ADAMTS17: variants seen among roughly 807,000 people sequenced by gnomAD.
The protein encoded by ADAMTS17 is A disintegrin and metalloproteinase with thrombospondin motifs 17.
A neutral mutation model predicts 141.5 loss-of-function variants in ADAMTS17; 113 were observed. The observed-to-expected ratio is 0.80, with a 90% CI of 0.69 to 0.93. The LOEUF (loss-of-function observed/expected upper bound fraction) is 0.93, where lower values mean the gene tolerates loss of function less well. ADAMTS17 is among the 40% of genes least tolerant of loss of function. The probability of loss-of-function intolerance (pLI) is 0.00; values close to 1 mark genes in which losing one functional copy is unlikely to be tolerated. For missense variants in ADAMTS17, 1,659 were observed against 1,517.9 expected (o/e 1.09, Z -1.54); for synonymous variants, 768 against 630.6 (o/e 1.22, Z -3.27).
chr15:99,974,448 C>G lies in ADAMTS17; in HGVS notation c.3242G>C (p.Arg1081Thr), dbSNP rs779509724. The G allele has an allele frequency of 6.2e-7, 1 of 1,614,106 alleles. No homozygotes were observed. The highest frequency in any genetic ancestry group is 8.5e-7 in the Non-Finnish European group (1 of 1,180,054). Reference protein sequence around the residue: ...RWYQRCCQTCRDFYANKMRQP... With the variant: ...RWYQRCCQTCTDFYANKMRQP... The stretch of plus-strand genomic sequence containing the variant: ...GCGCATCTTGTTTGCATAGAAGTCC[C>G]TGCAGGTCTGGCAGCAGCGCTGGTA... The change falls in exon 22 of 22, where the codon AGG becomes ACG. Residue 1081 changes from arginine (R) to threonine (T), a missense_variant. Physicochemically the swap from Arg to Thr is moderately conservative, Grantham distance 71. Transcript: ENST00000268070.
chr15:100,197,513 T>G (rs1187130157), intron 8 of ADAMTS17, among the ~76,000 whole-genome samples: 3 of 152,164 alleles, frequency 2.0e-5, no homozygotes, highest in African/African-American at 7.2e-5. Flanking sequence ...TTTTAAGAAC[T>G]CAGAGGTATT....
intron 7 of ADAMTS17, among the ~76,000 whole-genome samples, chr15:100,200,932 C>T (rs183742256): frequency 5.3e-5 from 8 of 152,368 alleles, no homozygotes; most frequent in African/African-American, 1.9e-4. Flanking sequence ...CTCTGTCGAG[C>T]TGCACATTGC....
intron 12 of ADAMTS17, 116 bp from the exon 13 acceptor site, chr15:100,117,129 A>G: frequency 8.2e-7 from 1 of 1,220,762 alleles, no homozygotes; most frequent in Non-Finnish European, 1.2e-6. Context: ...AGGTTTCCAA[A>G]GCCACCCCCT....
At chr15:100,313,648 A>G (rs2045471990) in intron 3 of ADAMTS17, among the ~76,000 whole-genome samples, 1 of 152,258 alleles carries the variant, frequency 6.6e-6, no homozygotes, top group Non-Finnish European at 1.5e-5. Flanking sequence ...GGACAGACAT[A>G]CAGCATGTGC....
chr15:100,197,193 G>A (rs1036021650), intron 8 of ADAMTS17, among the ~76,000 whole-genome samples: 2 of 152,224 alleles, frequency 1.3e-5, no homozygotes, highest in Non-Finnish European at 2.9e-5. Context: ...AGACCTCCAT[G>A]CGGCATGTGT....
At chr15:100,110,183 T>G (rs948170736) in intron 13 of ADAMTS17, among the ~76,000 whole-genome samples, 1 of 142,690 alleles carries the variant, frequency 7.0e-6, no homozygotes. Flanking sequence ...ATATATATAT[T>G]TATATACTGA....
At chr15:100,334,346 A>G (rs1003470651) in intron 2 of ADAMTS17, among the ~76,000 whole-genome samples, 1 of 152,206 alleles carries the variant, frequency 6.6e-6, no homozygotes, top group East Asian at 1.9e-4. Flanking sequence ...ACGATTCCAC[A>G]AAGACCGCAA....
chr15:100,180,281 C>A (rs558662219), intron 8 of ADAMTS17, among the ~76,000 whole-genome samples: 1 of 152,290 alleles, frequency 6.6e-6, no homozygotes, highest in South Asian at 2.1e-4. Context: ...ACTGTCCTTT[C>A]CCCAACGTAT....
intron 8 of ADAMTS17, among the ~76,000 whole-genome samples, chr15:100,184,694 G>T (rs1324575519): frequency 6.6e-6 from 1 of 152,116 alleles, no homozygotes; most frequent in Non-Finnish European, 1.5e-5. Flanking sequence ...GACCAATGCT[G>T]CCACCTGGGA....
chr15:100,125,364 T>C (rs1277849756), intron 12 of ADAMTS17, among the ~76,000 whole-genome samples: 1 of 152,184 alleles, frequency 6.6e-6, no homozygotes, highest in East Asian at 1.9e-4. Flanking sequence ...GGAAAGCACA[T>C]AGATGGGGTT....
intron 3 of ADAMTS17, among the ~76,000 whole-genome samples, chr15:100,313,373 A>G (rs1396959667): frequency 6.6e-6 from 1 of 152,234 alleles, no homozygotes; most frequent in Non-Finnish European, 1.5e-5. Flanking sequence ...TAACATTAGA[A>G]AACTATTTAC....
At chr15:100,291,187 G>T (rs903187313) in intron 3 of ADAMTS17, among the ~76,000 whole-genome samples, 1 of 152,158 alleles carries the variant, frequency 6.6e-6, no homozygotes, top group African/African-American at 2.4e-5. Context: ...GTGGGCAAAG[G>T]ACAGGAACAG....
chr15:100,069,028 C>G (rs914428982), intron 15 of ADAMTS17, among the ~76,000 whole-genome samples: 3 of 152,074 alleles, frequency 2.0e-5, no homozygotes, highest in African/African-American at 7.2e-5. Flanking sequence ...CTAGAATAAC[C>G]AATGCAGAGA....
At chr15:100,253,708 A>C (rs1337085762) in intron 7 of ADAMTS17, among the ~76,000 whole-genome samples, 2 of 152,158 alleles carry the variant, frequency 1.3e-5, no homozygotes, top group African/African-American at 4.8e-5. Context: ...CTACAGTCAC[A>C]CTTCACCCCT....
chr15:100,341,943 A>G lies in ADAMTS17; in HGVS notation c.-44T>C, dbSNP rs965626814. The G allele has an allele frequency of 8.4e-6, 13 of 1,545,800 alleles. No individual in the cohort carries two copies. The highest frequency in any genetic ancestry group is 2.0e-5 in the Admixed American group (1 of 50,874). The stretch of plus-strand genomic sequence containing the variant: ...CCCCCCCGGACCGTGGCGGCGAAGC[A>G]GGAGCGCGCTAGGCGGCGGCGCCAG... On this transcript the variant is annotated 5_prime_UTR_variant, in exon 1 of 22. Coordinates refer to ENST00000268070, the MANE Select transcript of ADAMTS17 (RefSeq NM_139057.4).
chr15:100,041,217 C>G (rs2031222763), intron 18 of ADAMTS17, among the ~76,000 whole-genome samples: 1 of 152,222 alleles, frequency 6.6e-6, no homozygotes, highest in Admixed American at 6.5e-5. Flanking sequence ...TTGCAAATGA[C>G]TATTCAATTC....
intron 15 of ADAMTS17, among the ~76,000 whole-genome samples, chr15:100,070,238 A>G (rs4390567): frequency 0.72 from 103,889 of 144,180 alleles, 40,372 homozygotes; most frequent in Non-Finnish European, 0.87. Flanking sequence ...CCAGATTCAT[A>G]AAGCAAGTCC....
At chr15:100,190,743 G>A (rs535784419) in intron 8 of ADAMTS17, among the ~76,000 whole-genome samples, 68 of 152,324 alleles carry the variant, frequency 4.5e-4, no homozygotes, top group African/African-American at 1.4e-3. Flanking sequence ...AGAGAAAGCT[G>A]CATCAGATCA....
At chr15:100,054,398 A>G (rs1198803197) in intron 15 of ADAMTS17, among the ~76,000 whole-genome samples, 1 of 152,204 alleles carries the variant, frequency 6.6e-6, no homozygotes, top group Non-Finnish European at 1.5e-5. Flanking sequence ...TCATTTCACT[A>G]AACTTATCCA....
Sources: gnomAD v4.1 joint callset for allele counts (sites outside exome capture counted in the v4.1 genomes callset) on GRCh38, gnomAD v4.1.1 for gene constraint, MANE v1.5 for transcripts, NCBI Gene and HGNC (gene_info 2026-07-23, HGNC 2026-07-21) for gene names.